PDZD8: variants seen among roughly 807,000 people sequenced by gnomAD.
PDZD8 encodes the protein PDZ domain containing 8.
PDZD8 carries 14 observed loss-of-function variants against 85.8 expected under a neutral mutation model. The observed-to-expected ratio is 0.16, with a 90% CI of 0.11 to 0.26. The LOEUF is 0.26. Among genes scored for constraint, PDZD8 ranks in the 10% least tolerant of loss-of-function variants. The pLI is 1.00. For synonymous variants in PDZD8, 592 were observed against 568.6 expected (o/e 1.04, Z -0.59); for missense variants, 1,197 against 1,424.3 (o/e 0.84, Z 2.57).
chr10:117,306,130 T>C (rs1843939300), intron 3 of PDZD8, among the ~76,000 whole-genome samples: 1 of 152,208 alleles, frequency 6.6e-6, no homozygotes, highest in Admixed American at 6.5e-5. Flanking sequence ...GAATGCCAGC[T>C]TGGCCATTTG....
intron 1 of PDZD8, among the ~76,000 whole-genome samples, chr10:117,366,583 C>T (rs1845095017): frequency 2.1e-5 from 3 of 141,384 alleles, no homozygotes; most frequent in East Asian, 2.3e-4. Context: ...CCACCACTGT[C>T]ACCACCATTA....
At chr10:117,287,287 C>T (rs1261268159) in intron 4 of PDZD8, among the ~76,000 whole-genome samples, 1 of 152,106 alleles carries the variant, frequency 6.6e-6, no homozygotes, top group African/African-American at 2.4e-5. Flanking sequence ...GCTTCTTTTT[C>T]TCCACCTATA....
In PDZD8 at chr10:117,375,113, C is replaced by A. The variant is rs769727773; in HGVS notation, c.115G>T (p.Ala39Ser). 2 of 1,593,436 alleles carry A rather than the reference C, an allele frequency of 1.3e-6. No homozygotes were observed. Among genetic ancestry groups the A allele is most frequent in the Non-Finnish European group, 1.7e-6 (2 of 1,175,386 alleles). The change falls in exon 1 of 5, where the codon GCC becomes TCC. Residue 39 changes from alanine to serine, a missense_variant. Coordinates refer to ENST00000334464, the MANE Select transcript of PDZD8 (RefSeq NM_173791.5). ...RQPEPPADEA[A>S]RAGEGFRYIK... ...TAGCGGAAGCCCTCGCCCGCGCGGG[C>A]GGCCTCGTCCGCCGGCGGCTCGGGC...
At chr10:117,351,891 C>G (rs1358399714) in intron 1 of PDZD8, among the ~76,000 whole-genome samples, 2 of 152,006 alleles carry the variant, frequency 1.3e-5, no homozygotes, top group African/African-American at 4.8e-5. Context: ...ATTGCTCAGG[C>G]TGGTCTTGAA....
At chr10:117,337,895 G>A (rs73407965) in intron 2 of PDZD8, among the ~76,000 whole-genome samples, 3,350 of 152,194 alleles carry the variant, frequency 0.022, 128 homozygotes, top group African/African-American at 0.076. Context: ...CACTATATAT[G>A]AAGTAATAAG....
Position 117,375,357 on chromosome 10 carries a change from C to A in PDZD8, c.-130G>T, listed in dbSNP as rs1001551125. The A allele has an allele frequency of 3.0e-5, 20 of 671,990 alleles. No homozygotes were observed. The highest frequency in any genetic ancestry group is 1.7e-4 in the Admixed American group (4 of 23,372). 41.6% of individuals were successfully genotyped at this position (671,990 alleles called of 1,614,324 possible). On this transcript the variant is annotated 5_prime_UTR_variant, in exon 1 of 5. Coordinates refer to ENST00000334464, the MANE Select transcript of PDZD8 (RefSeq NM_173791.5). ...TCGGGGCGAGCGGCTCCGTGGGCCT[C>A]GTCCAGGGGCTCGGGCCGGCGCGCT... is the stretch of plus-strand genomic sequence containing the variant.
chr10:117,324,455 A>G (rs1844281568), intron 2 of PDZD8, among the ~76,000 whole-genome samples: 1 of 152,242 alleles, frequency 6.6e-6, no homozygotes, highest in East Asian at 1.9e-4. Flanking sequence ...GATTATAATG[A>G]ACTCTCATCA....
chr10:117,355,588 C>A (rs1352194870), intron 1 of PDZD8, among the ~76,000 whole-genome samples: 2 of 152,120 alleles, frequency 1.3e-5, no homozygotes, highest in Non-Finnish European at 2.9e-5. Context: ...AAACTTCTGA[C>A]CTTGACCAAA....
intron 2 of PDZD8, among the ~76,000 whole-genome samples, chr10:117,324,394 T>C (rs1334753544): frequency 5.9e-5 from 9 of 151,972 alleles, no homozygotes; most frequent in Admixed American, 5.9e-4. Flanking sequence ...TTGGTTATTA[T>C]GTTAAATGTT....
At chr10:117,320,676 T>C (rs1160228096) in intron 2 of PDZD8, among the ~76,000 whole-genome samples, 2 of 151,970 alleles carry the variant, frequency 1.3e-5, no homozygotes, top group Admixed American at 1.3e-4. Context: ...GAAAAATAGA[T>C]AAACTGGATT....
chr10:117,300,961 A>C (rs1277521420), intron 3 of PDZD8, among the ~76,000 whole-genome samples: 1 of 152,212 alleles, frequency 6.6e-6, no homozygotes, highest in Non-Finnish European at 1.5e-5. Context: ...ATAGCAGTCC[A>C]AATGGACTAA....
Position 117,374,393 on chromosome 10 carries a change from T to C in PDZD8, c.835A>G (p.Ile279Val). The C allele has an allele frequency of 3.1e-6, 5 of 1,614,164 alleles. No individual in the cohort carries two copies. Among genetic ancestry groups the C allele is most frequent in the Non-Finnish European group, 4.2e-6 (5 of 1,179,990 alleles). ...SIIVNQLKKI[I>V]KRKHTLPNYK... Reference sequence around the variant, plus strand: ...TTCGGTAGGGTGTGCTTGCGCTTGATGATCTTCTTGAGCTGGTTGACGATG... The same window carrying C: ...TTCGGTAGGGTGTGCTTGCGCTTGACGATCTTCTTGAGCTGGTTGACGATG... Residue 279 changes from isoleucine (I) to valine (V), a missense_variant, in exon 1 of 5, where the codon ATC becomes GTC. By Grantham distance (29) the Ile-to-Val change is conservative. This residue lies in a region of PDZD8 where 344 missense variants were observed against 453.6 expected (regional missense o/e 0.76). Coordinates refer to ENST00000334464, the MANE Select transcript of PDZD8 (RefSeq NM_173791.5). This position sits in a 1 kb window ranked among gnomAD's most constrained non-coding sequence, Gnocchi z 7.8.
At position 117,318,979 on chromosome 10, in the gene PDZD8, A is replaced by G. The variant is rs747398880; in HGVS notation, c.996-5T>C. ...TAGGATCCAAAAATGAGTAACCTGCAGAATAAAACAAAACAAGGGAGAGTA... is the reference window on the plus strand; with the variant it reads ...TAGGATCCAAAAATGAGTAACCTGCGGAATAAAACAAAACAAGGGAGAGTA... On this transcript the variant is annotated splice_region_variant and splice_polypyrimidine_tract_variant and intron_variant, in intron 2 of 4. Transcript: ENST00000334464. The G allele has an allele frequency of 6.3e-7, 1 of 1,576,338 alleles. No individual in the cohort carries two copies. Among genetic ancestry groups the G allele is most frequent in the Non-Finnish European group, 8.7e-7 (1 of 1,146,648 alleles).
intron 3 of PDZD8, among the ~76,000 whole-genome samples, chr10:117,316,244 CTGAG>C (rs1844127545): frequency 6.6e-6 from 1 of 152,296 alleles, no homozygotes; most frequent in South Asian, 2.1e-4. Context: ...GGGCACTGGT[CTGAG>C]TGAGTTTGCT....
chr10:117,374,733 T>G lies in PDZD8; in HGVS notation c.495A>C (p.Pro165=), dbSNP rs745505697. ...GCTCCCCGGTGGCCGAGGGCACGAC[T>G]GGCCGCACGAGCCGGATGGTCTTGA... ...PFIKTIRLVR[P]VVPSATGEPD... The change falls in exon 1 of 5, where the codon CCA becomes CCC. Residue 165 remains proline, a synonymous_variant. Transcript: ENST00000334464. The surrounding 1 kb of genome is among the most constrained non-coding windows in gnomAD (Gnocchi z 7.8). The G allele has an allele frequency of 5.3e-5, 85 of 1,611,244 alleles. No individual in the cohort carries two copies. Among genetic ancestry groups the G allele is most frequent in the Middle Eastern group, 3.3e-4 (2 of 6,076 alleles).
At chr10:117,344,888 A>G (rs1033889939) in intron 1 of PDZD8, among the ~76,000 whole-genome samples, 12 of 152,146 alleles carry the variant, frequency 7.9e-5, no homozygotes, top group Admixed American at 3.3e-4. Flanking sequence ...TGGAGGGTCT[A>G]CCTTGGGCAC....
chr10:117,278,502 G>A lies in PDZD8; in HGVS notation c.*4766C>T, dbSNP rs975822985. On this transcript the variant is annotated 3_prime_UTR_variant, in exon 5 of 5. Transcript: ENST00000334464. ...CCTTTTCAGTGTAACAGCAAATACT[G>A]TTAGTGAACATTGTCAATTTATGTC... 1.3e-5 allele frequency: 2 copies of A among 152,178 alleles called. No homozygotes were observed. Among genetic ancestry groups the A allele is most frequent in the Non-Finnish European group, 2.9e-5 (2 of 68,034 alleles). 9.4% of individuals were successfully genotyped at this position (152,178 alleles called of 1,614,324 possible).
intron 3 of PDZD8, among the ~76,000 whole-genome samples, chr10:117,292,862 T>C (rs1844794441): frequency 6.6e-6 from 1 of 151,822 alleles, no homozygotes; most frequent in African/African-American, 2.4e-5. Context: ...TGATTATTAG[T>C]AAATACTCTT....
At chr10:117,305,055 A>G (rs1482771859) in intron 3 of PDZD8, among the ~76,000 whole-genome samples, 1 of 152,152 alleles carries the variant, frequency 6.6e-6, no homozygotes, top group Non-Finnish European at 1.5e-5. Context: ...CATATTTTTC[A>G]TCAGCTGTTG....
Sources: gnomAD v4.1 joint callset for allele counts (sites outside exome capture counted in the v4.1 genomes callset) on GRCh38, gnomAD v4.1.1 for gene constraint, gnomAD v4.1.1 regional missense constraint, Gnocchi (gnomAD v3.1) non-coding constraint, MANE v1.5 for transcripts, NCBI Gene and HGNC (gene_info 2026-07-23, HGNC 2026-07-21) for gene names.